The following RNF111 variants were observed in gnomAD, a reference collection of about 807,000 sequenced individuals.
RNF111 encodes the protein E3 ubiquitin-protein ligase Arkadia.
RNF111 carries 17 observed loss-of-function variants against 95.1 expected under a neutral mutation model. The observed-to-expected ratio is 0.18, with a 90% confidence interval of 0.12 to 0.27. RNF111 has a LOEUF of 0.27. Among genes scored for constraint, RNF111 ranks in the 10% least tolerant of loss-of-function variants. RNF111 has a pLI of 1.00. For missense variants in RNF111, 1,189 were observed against 1,210.4 expected, an observed-to-expected ratio of 0.98 and a Z score of 0.26; for synonymous variants, 440 against 414.8, an observed-to-expected ratio of 1.06 and a Z score of -0.74.
intron 1 of RNF111, among the ~76,000 whole-genome samples, chr15:59,012,940 T>C (rs1001690196): frequency 6.6e-6 from 1 of 152,170 alleles, no homozygotes; most frequent in East Asian, 1.9e-4. Flanking sequence ...GGTTTCGCCA[T>C]GTTGGCCAGG....
chr15:59,023,887 C>A (rs1222626290), intron 1 of RNF111, among the ~76,000 whole-genome samples: 2 of 152,136 alleles, frequency 1.3e-5, no homozygotes, highest in African/African-American at 4.8e-5. Context: ...AGCCTTGAGA[C>A]CCTAAGGGAC....
At chr15:59,058,614 G>A (rs2042301353) in intron 5 of RNF111, 64 bp downstream of exon 5, 4 of 1,412,516 alleles carry the variant, frequency 2.8e-6, no homozygotes, top group Non-Finnish European at 4.0e-6. Flanking sequence ...AAGTATTATT[G>A]TTTTTAAGTC....
intron 1 of RNF111, among the ~76,000 whole-genome samples, chr15:59,012,003 CTTTTTTTTT>C (rs71425836): frequency 1.4e-3 from 56 of 40,446 alleles, no homozygotes; most frequent in Middle Eastern, 0.029. Flanking sequence ...GTTTGTTTGC[CTTTTTTTTT>C]TTTTTTTTTT....
intron 8 of RNF111, among the ~76,000 whole-genome samples, chr15:59,083,543 A>G (rs1181366013): frequency 3.9e-5 from 6 of 152,122 alleles, no homozygotes; most frequent in African/African-American, 1.4e-4. Context: ...TCCAAAAAAA[A>G]AAAAAAGTAT....
intron 1 of RNF111, 160 bp downstream of exon 1, chr15:58,988,228 G>T (rs1468096505): frequency 6.6e-6 from 1 of 152,364 alleles, no homozygotes; most frequent in African/African-American, 2.4e-5. Flanking sequence ...CTTAGGGTCT[G>T]GGTCTCCGCA....
intron 1 of RNF111, among the ~76,000 whole-genome samples, chr15:59,002,909 T>C (rs1182448883): frequency 1.3e-5 from 2 of 152,216 alleles, no homozygotes; most frequent in Non-Finnish European, 2.9e-5. Flanking sequence ...GTGGCTAGTT[T>C]CTTGTCATGA....
intron 4 of RNF111, among the ~76,000 whole-genome samples, chr15:59,056,484 G>T (rs1309394801): frequency 2.6e-5 from 4 of 152,136 alleles, no homozygotes; most frequent in African/African-American, 7.2e-5. Context: ...TTAGGAAATG[G>T]TCACTCATAA....
chr15:59,075,970 A>G lies in RNF111; in HGVS notation c.1703A>G (p.Asp568Gly). The G allele has an allele frequency of 6.2e-7, 1 of 1,614,224 alleles. No individual in the cohort carries two copies. Among genetic ancestry groups the G allele is most frequent in the Non-Finnish European group, 8.5e-7 (1 of 1,180,022 alleles). Residue 568 changes from aspartate (D) to glycine (G), a missense_variant, in exon 7 of 14, where the codon GAC becomes GGC. Coordinates refer to ENST00000348370, the MANE Select transcript of RNF111 (RefSeq NM_017610.8). ...TTTATCTAGCAGGCATTGCCAGTGG[A>G]CCTGAGCAACAGTGGTATCAGAAGT... The part of the protein sequence containing the change: ...SYHEQQALPV[D>G]LSNSGIRSHG...
At chr15:59,007,688 T>C (rs1455454349) in intron 1 of RNF111, among the ~76,000 whole-genome samples, 1 of 152,202 alleles carries the variant, frequency 6.6e-6, no homozygotes, top group Non-Finnish European at 1.5e-5. Flanking sequence ...TTTTGGTCTT[T>C]TTAGTTTTAG....
rs768858668 is a variant in RNF111 at position 59,066,986 on chromosome 15, C to A, written c.1589C>A (p.Pro530His). The change falls in exon 6 of 14, where the codon CCT becomes CAT. Residue 530 changes from proline (P) to histidine (H), a missense_variant. By Grantham distance (77) the Pro-to-His change is moderately conservative. This residue lies in a region of RNF111 where 1,024 missense variants were observed against 925.9 expected (regional missense o/e 1.11). Transcript: ENST00000348370. ...CCCCACCCAGCTGTCCCAGTTTCTC[C>A]TTCCTTTAGTGATCCTGCTTGCCCT... ...HTPHPAVPVSPSFSDPACPVE... is the reference protein window; with the variant it reads ...HTPHPAVPVSHSFSDPACPVE... 5 of 1,614,152 alleles carry A rather than the reference C, an allele frequency of 3.1e-6. No homozygotes were observed. Among genetic ancestry groups the A allele is most frequent in the Non-Finnish European group, 4.2e-6 (5 of 1,180,020 alleles).
At chr15:59,072,826 T>TTGTTTG (rs1555399411) in intron 6 of RNF111, among the ~76,000 whole-genome samples, 1 of 151,772 alleles carries the variant, frequency 6.6e-6, no homozygotes, top group African/African-American at 2.4e-5. Context: ...TGCTGCAGTT[T>TTGTTTG]TTTGTTTGTT....
At chr15:59,025,215 C>T (rs2040543058) in intron 1 of RNF111, among the ~76,000 whole-genome samples, 1 of 152,108 alleles carries the variant, frequency 6.6e-6, no homozygotes, top group Admixed American at 6.5e-5. Context: ...AGTTTCATAG[C>T]AGTTATCGTG....
chr15:59,017,838 A>G (rs1447973999), intron 1 of RNF111, among the ~76,000 whole-genome samples: 3 of 148,156 alleles, frequency 2.0e-5, no homozygotes, highest in Non-Finnish European at 4.4e-5. Context: ...GCTCTCTGCA[A>G]CCTCCACTTC....
chr15:59,063,427 C>G (rs996197687), intron 5 of RNF111, among the ~76,000 whole-genome samples: 1 of 152,076 alleles, frequency 6.6e-6, no homozygotes, highest in Admixed American at 6.5e-5. Flanking sequence ...GAAGGCACTC[C>G]TAGGAGGCAC....
chr15:58,995,282 G>A (rs1055896904), intron 1 of RNF111, among the ~76,000 whole-genome samples: 9 of 152,038 alleles, frequency 5.9e-5, no homozygotes, highest in African/African-American at 1.9e-4. Flanking sequence ...CTTCACTAAT[G>A]GACATTCTTT....
intron 1 of RNF111, among the ~76,000 whole-genome samples, chr15:58,993,468 G>T (rs1430766587): frequency 6.6e-6 from 1 of 152,186 alleles, no homozygotes. Context: ...AACCCAGGAG[G>T]TGGAGGTTGC....
intron 1 of RNF111, among the ~76,000 whole-genome samples, chr15:59,030,340 G>A (rs2141754285): frequency 6.6e-6 from 1 of 152,258 alleles, no homozygotes; most frequent in Non-Finnish European, 1.5e-5. Context: ...TCAATCTAAT[G>A]TAGTAACCAT....
chr15:59,027,977 C>A (rs569093118), intron 1 of RNF111, among the ~76,000 whole-genome samples: 1 of 152,018 alleles, frequency 6.6e-6, no homozygotes. Context: ...AGGTGCACGC[C>A]ACCATGCCCG....
intron 1 of RNF111, among the ~76,000 whole-genome samples, chr15:59,029,837 A>G (rs1555474007): frequency 6.6e-6 from 1 of 151,872 alleles, no homozygotes; most frequent in Non-Finnish European, 1.5e-5. Context: ...TTTAGTGTTC[A>G]TTCATCTATA....
Sources: gnomAD v4.1 joint callset for allele counts (sites outside exome capture counted in the v4.1 genomes callset) on GRCh38, gnomAD v4.1.1 for gene constraint, gnomAD v4.1.1 regional missense constraint, MANE v1.5 for transcripts, NCBI Gene and HGNC (gene_info 2026-07-23, HGNC 2026-07-21) for gene names.